Variants in IPCEF1 observed in about 807,000 individuals in gnomAD.
IPCEF1 encodes interaction protein for cytohesin exchange factors 1.
A neutral mutation model predicts 50.9 loss-of-function variants in IPCEF1; 31 were observed. That is an observed-to-expected ratio of 0.61 (90% confidence interval 0.46 to 0.82). The LOEUF is 0.82. IPCEF1 is among the 40% of genes least tolerant of loss of function. IPCEF1 has a pLI of 0.00. For missense variants in IPCEF1, 458 were observed against 514.0 expected, an observed-to-expected ratio of 0.89 and a Z score of 1.05; for synonymous variants, 181 against 192.0, an observed-to-expected ratio of 0.94 and a Z score of 0.47.
chr6:154,202,355 A>G (rs1459491584), intron 9 of IPCEF1, among the ~76,000 whole-genome samples: 2 of 152,112 alleles, frequency 1.3e-5, no homozygotes, highest in Non-Finnish European at 2.9e-5. Context: ...TTTCAATAAA[A>G]CCCTAGTTAT....
At chr6:154,234,050 A>G (rs1779926041) in intron 5 of IPCEF1, among the ~76,000 whole-genome samples, 1 of 152,182 alleles carries the variant, frequency 6.6e-6, no homozygotes, top group South Asian at 2.1e-4. Context: ...TCTTAAAAAC[A>G]TACAAAAATT....
intron 2 of IPCEF1, among the ~76,000 whole-genome samples, chr6:154,282,865 A>G (rs1391998353): frequency 1.3e-5 from 2 of 152,220 alleles, no homozygotes; most frequent in East Asian, 1.9e-4. Flanking sequence ...ACCTGGAGTT[A>G]GCAGTGGTCA....
intron 1 of IPCEF1, among the ~76,000 whole-genome samples, chr6:154,348,121 G>A (rs2499639): frequency 0.33 from 50,613 of 151,922 alleles, 9,256 homozygotes; most frequent in Middle Eastern, 0.45. Context: ...GGACTCCAGC[G>A]TTCCTCTCAA....
chr6:154,267,454 T>G (rs956556730), intron 2 of IPCEF1, among the ~76,000 whole-genome samples: 2 of 152,210 alleles, frequency 1.3e-5, no homozygotes, highest in African/African-American at 4.8e-5. Context: ...AAAAGAATAT[T>G]CTCACATATT....
chr6:154,186,064 C>A (rs1801320334), intron 10 of IPCEF1, among the ~76,000 whole-genome samples: 4 of 152,176 alleles, frequency 2.6e-5, no homozygotes, highest in Admixed American at 1.3e-4. Flanking sequence ...TCTCTGTGTT[C>A]TCTCTCCCCA....
intron 1 of IPCEF1, among the ~76,000 whole-genome samples, chr6:154,320,034 G>A (rs1783333932): frequency 6.6e-6 from 1 of 152,040 alleles, no homozygotes; most frequent in African/African-American, 2.4e-5. Context: ...TCCCTTCCGA[G>A]CACTAATTTA....
chr6:154,199,704 G>T lies in IPCEF1; in HGVS notation c.874C>A (p.Pro292Thr). 1 of 1,613,370 alleles carries T rather than the reference G, an allele frequency of 6.2e-7. No individual in the cohort carries two copies. Among genetic ancestry groups the T allele is most frequent in the Non-Finnish European group, 8.5e-7 (1 of 1,179,554 alleles). The stretch of plus-strand genomic sequence containing the variant: ...ATCTTTGATCCAGCAGGCTTATCTG[G>T]GACAGTAAGATGGTCATGATTGCTA... ...LSSNHDHLTVPDKPAGSKIMD... is the reference protein window; with the variant it reads ...LSSNHDHLTVTDKPAGSKIMD... Residue 292 changes from proline (P) to threonine (T), a missense_variant, in exon 10 of 12, where the codon CCA (proline) becomes ACA (threonine). Pro to Thr is a conservative substitution (Grantham distance 38). Coordinates refer to ENST00000367220, the MANE Select transcript of IPCEF1 (RefSeq NM_001130700.2).
chr6:154,211,351 G>GT (rs1291592277), intron 9 of IPCEF1, among the ~76,000 whole-genome samples: 1 of 151,864 alleles, frequency 6.6e-6, no homozygotes, highest in East Asian at 1.9e-4. Context: ...AGAGCTTGCA[G>GT]TGAGCCAAGA....
chr6:154,231,990 G>A (rs1009579472), intron 5 of IPCEF1, among the ~76,000 whole-genome samples: 5 of 152,136 alleles, frequency 3.3e-5, no homozygotes, highest in Non-Finnish European at 5.9e-5. Flanking sequence ...ATGGCAAATA[G>A]GCTAAGTAAG....
intron 1 of IPCEF1, among the ~76,000 whole-genome samples, chr6:154,341,632 A>C (rs888997824): frequency 1.3e-5 from 2 of 152,110 alleles, no homozygotes; most frequent in African/African-American, 4.8e-5. Flanking sequence ...CTCCTTTTTC[A>C]TCTTTCTTCC....
intron 1 of IPCEF1, among the ~76,000 whole-genome samples, chr6:154,320,901 C>T (rs140229480): frequency 1.8e-3 from 271 of 152,156 alleles, no homozygotes; most frequent in African/African-American, 6.4e-3. Flanking sequence ...CACACATATA[C>T]ATGTGTATAT....
At chr6:154,237,534 T>C (rs186184304) in intron 5 of IPCEF1, among the ~76,000 whole-genome samples, 2 of 152,308 alleles carry the variant, frequency 1.3e-5, no homozygotes, top group Admixed American at 1.3e-4. Context: ...ATACATTCCT[T>C]TGATTTTTTA....
chr6:154,247,578 T>C, intron 3 of IPCEF1, 90 bp from the exon 4 acceptor site: 1 of 1,096,052 alleles, frequency 9.1e-7, no homozygotes, highest in Non-Finnish European at 1.4e-6. Context: ...TGGCAGTGTT[T>C]ATGAGCAGGA....
intron 10 of IPCEF1, among the ~76,000 whole-genome samples, chr6:154,183,092 G>A (rs1583730850): frequency 6.6e-6 from 1 of 152,084 alleles, no homozygotes; most frequent in Middle Eastern, 3.4e-3. Flanking sequence ...TGATTCTCCT[G>A]CCTCAGCTTC....
At chr6:154,252,718 C>G (rs1256248286) in intron 3 of IPCEF1, among the ~76,000 whole-genome samples, 2 of 152,090 alleles carry the variant, frequency 1.3e-5, no homozygotes, top group Non-Finnish European at 2.9e-5. Context: ...GATGGATTCA[C>G]TAGAGATTTG....
In IPCEF1 at chr6:154,178,633, T is replaced by A. The variant is rs551645337; in HGVS notation, c.911-10520A>T. Among the ~76,000 whole-genome samples the A allele has an allele frequency of 9.2e-5, 14 of 152,248 alleles. No homozygotes were observed. In the South Asian group the frequency reaches 1.5e-3, roughly 16 times the overall value. The stretch of plus-strand genomic sequence containing the variant: ...AACAGATAAAGTGAACCTGTTGGGG[T>A]AACCAGACATGAAAACAGAATTCAC... On this transcript the variant is annotated intron_variant, in intron 10 of 11. Coordinates refer to ENST00000367220, the MANE Select transcript of IPCEF1 (RefSeq NM_001130700.2).
At chr6:154,332,297 T>C (rs2128694000) in intron 1 of IPCEF1, among the ~76,000 whole-genome samples, 1 of 151,834 alleles carries the variant, frequency 6.6e-6, no homozygotes, top group South Asian at 2.1e-4. Context: ...GGTTTTTTTT[T>C]TTTTTTTTAC....
chr6:154,207,240 G>T (rs941936206), intron 9 of IPCEF1, among the ~76,000 whole-genome samples: 2 of 152,348 alleles, frequency 1.3e-5, no homozygotes, highest in Admixed American at 1.3e-4. Context: ...AAGATGAGCT[G>T]TTAAAGCCAG....
At chr6:154,164,295 G>T (rs190352697) in intron 11 of IPCEF1, among the ~76,000 whole-genome samples, 82 of 152,296 alleles carry the variant, frequency 5.4e-4, no homozygotes, top group Non-Finnish European at 1.5e-5. Context: ...GCATTAAGCT[G>T]ACACTTCTCA....
Sources: gnomAD v4.1 joint callset for allele counts (sites outside exome capture counted in the v4.1 genomes callset) on GRCh38, gnomAD v4.1.1 for gene constraint, MANE v1.5 for transcripts, NCBI Gene and HGNC (gene_info 2026-07-23, HGNC 2026-07-21) for gene names.